The following KIF26A variants were observed in gnomAD, a reference collection of about 807,000 sequenced individuals.
KIF26A encodes kinesin-like protein KIF26A.
A neutral mutation model predicts 126.0 loss-of-function variants in KIF26A; 74 were observed. The observed-to-expected ratio is 0.59, with a 90% CI of 0.49 to 0.71. The LOEUF is 0.71. KIF26A is among the 30% of genes least tolerant of loss of function. The pLI, the probability that KIF26A is intolerant of heterozygous loss-of-function variation, is 0.00. For synonymous variants in KIF26A, 1,445 were observed against 1,232.7 expected, an observed-to-expected ratio of 1.17 and a Z score of -3.61; for missense variants, 2,984 against 2,763.3, an observed-to-expected ratio of 1.08 and a Z score of -1.79.
At position 104,149,851 on chromosome 14, in the gene KIF26A, C is replaced by T. The variant is rs58369344; in HGVS notation, c.289-2164C>T. ...GGCCTGTCTGGAGGCTCCAGAACGGCGAGCTGGGGGCCGGGCTGCCTGTCA... is the reference window on the plus strand; with the variant it reads ...GGCCTGTCTGGAGGCTCCAGAACGGTGAGCTGGGGGCCGGGCTGCCTGTCA... On this transcript the variant is annotated intron_variant, in intron 2 of 14. Coordinates refer to ENST00000423312, the MANE Select transcript of KIF26A (RefSeq NM_015656.2). 1.6e-3 allele frequency among the ~76,000 whole-genome samples: 237 copies of T among 152,244 alleles called. 4 individuals are homozygous for T. The East Asian group carries it at 0.03, about 19-fold the overall frequency.
In KIF26A at chr14:104,175,427, C is replaced by T; in HGVS notation, c.2639C>T (p.Pro880Leu). 2 of 1,593,010 alleles carry T rather than the reference C, an allele frequency of 1.3e-6. No individual in the cohort carries two copies. The highest frequency in any genetic ancestry group is 2.2e-5 in the South Asian group (2 of 89,518). Residue 880 changes from proline (P) to leucine (L), a missense_variant, in exon 12 of 15, where the codon CCA (proline) becomes CTA (leucine). By Grantham distance (98) the Pro-to-Leu change is moderately conservative. Coordinates refer to ENST00000423312, the MANE Select transcript of KIF26A (RefSeq NM_015656.2). ...SPARGGRKPS[P>L]PEAASPRKAV... ...GCCCGAGGGGGCCGGAAGCCCTCGC[C>T]ACCAGAGGCTGCATCCCCCAGGAAG... is the stretch of plus-strand genomic sequence containing the variant.
At chr14:104,141,006 G>C (rs1413795373) in intron 2 of KIF26A, among the ~76,000 whole-genome samples, 1 of 152,204 alleles carries the variant, frequency 6.6e-6, no homozygotes, top group East Asian at 1.9e-4. Flanking sequence ...ATCCTCCACT[G>C]TCTCTCCACA....
intron 4 of KIF26A, 120 bp from the exon 5 acceptor site, chr14:104,166,739 G>A: frequency 2.0e-6 from 2 of 994,120 alleles, no homozygotes; most frequent in South Asian, 1.7e-5. Context: ...TTTTGGACTG[G>A]GTTTCCTGGG....
At chr14:104,150,045 C>T (rs1325736539) in intron 2 of KIF26A, among the ~76,000 whole-genome samples, 1 of 152,152 alleles carries the variant, frequency 6.6e-6, no homozygotes, top group Admixed American at 6.5e-5. Context: ...ACATGTAGAC[C>T]TGTGTGCCCA....
chr14:104,146,436 C>T (rs953762332), intron 2 of KIF26A, among the ~76,000 whole-genome samples: 7 of 152,012 alleles, frequency 4.6e-5, no homozygotes, highest in Admixed American at 3.3e-4. Flanking sequence ...GTCCTGAGGG[C>T]GGAGGCCAGG....
chr14:104,165,812 T>A (rs1373232770), intron 4 of KIF26A, among the ~76,000 whole-genome samples: 1 of 152,044 alleles, frequency 6.6e-6, no homozygotes, highest in Non-Finnish European at 1.5e-5. Flanking sequence ...TGTGTGTCTG[T>A]GTGTTTCTGT....
At position 104,151,729 on chromosome 14, in the gene KIF26A, G is replaced by A. The variant is rs1426966381; in HGVS notation, c.289-286G>A. 2.0e-5 allele frequency among the ~76,000 whole-genome samples: 3 copies of A among 152,232 alleles called. No individual in the cohort carries two copies. Among genetic ancestry groups the A allele is most frequent in the Non-Finnish European group, 2.9e-5 (2 of 68,034 alleles). On this transcript the variant is annotated intron_variant, in intron 2 of 14. Coordinates refer to ENST00000423312, the MANE Select transcript of KIF26A (RefSeq NM_015656.2). This position sits in a 1 kb window ranked among gnomAD's most constrained non-coding sequence, Gnocchi z 4.9. ...TTAGCTGACAGTGGTCCGGTTGTCC[G>A]GGAGCCGCAAACCTGCCTTGTTAGC...
chr14:104,179,557 C>T (rs2038077547), intron 14 of KIF26A, 52 bp from the exon 15 acceptor site: 2 of 1,459,738 alleles, frequency 1.4e-6, no homozygotes, highest in Non-Finnish European at 1.8e-6. Flanking sequence ...AGGTGGCTGC[C>T]CCCAGCCTCG....
chr14:104,145,370 C>T (rs1297460906), intron 2 of KIF26A, among the ~76,000 whole-genome samples: 1 of 152,188 alleles, frequency 6.6e-6, no homozygotes, highest in Non-Finnish European at 1.5e-5. Context: ...TCCGTGGAGA[C>T]TCCCCAGCCC....
At chr14:104,173,979 C>A in intron 10 of KIF26A, 111 bp downstream of exon 10, 1 of 1,426,980 alleles carries the variant, frequency 7.0e-7, no homozygotes. Flanking sequence ...CAGGGCTTTG[C>A]TCCTCCACCA....
chr14:104,166,530 G>C (rs931022910), intron 4 of KIF26A, among the ~76,000 whole-genome samples: 1 of 152,142 alleles, frequency 6.6e-6, no homozygotes, highest in Non-Finnish European at 1.5e-5. Flanking sequence ...GCGGCTGCAG[G>C]TGGGGGATGA....
Position 104,173,842 on chromosome 14 carries a change from C to A in KIF26A, c.2004C>A (p.Val668=). The change falls in exon 10 of 15, where the codon GTC becomes GTA. Residue 668 remains valine (V), a synonymous_variant. Transcript: ENST00000423312. ...TGGGCAGCGTCATCTTGGCCCTGGTCAACGGAGCCAAGCATGTGCCGTATC... is the reference window on the plus strand; with the variant it reads ...TGGGCAGCGTCATCTTGGCCCTGGTAAACGGAGCCAAGCATGTGCCGTATC... The part of the protein sequence containing the change: ...SALGSVILAL[V]NGAKHVPYRD... 1 of 1,597,448 alleles carries A rather than the reference C, an allele frequency of 6.3e-7. No individual in the cohort carries two copies. The highest frequency in any genetic ancestry group is 8.5e-7 in the Non-Finnish European group (1 of 1,177,338).
rs1026285585 is a variant in KIF26A, at chr14:104,167,072, G to A, written c.1113+24G>A. On this transcript the variant is annotated intron_variant, in intron 5 of 14. Coordinates refer to ENST00000423312, the MANE Select transcript of KIF26A (RefSeq NM_015656.2). ...AGGTAGACGCAGCCCCGAGTTCGGG[G>A]CCCTGGGTGGGGAGGCCAGAGGCGT... 4.0e-6 allele frequency: 6 copies of A among 1,497,486 alleles called. No individual in the cohort carries two copies. The East Asian group carries it at 9.8e-5, about 25-fold the overall frequency. 92.8% of individuals were successfully genotyped at this position (1,497,486 alleles called of 1,614,324 possible).
In KIF26A at chr14:104,139,273, C is replaced by G. The variant is rs746731733; in HGVS notation, c.273C>G (p.Pro91=). The change falls in exon 2 of 15, where the codon CCC becomes CCG. Residue 91 remains proline, a synonymous_variant. Coordinates refer to ENST00000423312, the MANE Select transcript of KIF26A (RefSeq NM_015656.2). The part of the protein sequence containing the change: ...KRQAWKLVSG[P]GTTLRDPCLS... ...AGGCGTGGAAGCTGGTCAGCGGGCC[C>G]GGGACCACCCTCCGGGTAAGTGACA... is the stretch of plus-strand genomic sequence containing the variant. 15 of 1,519,440 alleles carry G rather than the reference C, an allele frequency of 9.9e-6. No homozygotes were observed. The highest frequency in any genetic ancestry group is 1.2e-5 in the Non-Finnish European group (14 of 1,134,496). The allele number at this position is 1,519,440 out of a possible 1,614,324, so 94.1% of individuals were successfully genotyped here. A position where few individuals can be genotyped will look rare whatever the true frequency, so the allele number is the denominator to read the frequency against.
chr14:104,167,768 T>C (rs2037920800), intron 5 of KIF26A, among the ~76,000 whole-genome samples: 1 of 152,152 alleles, frequency 6.6e-6, no homozygotes, highest in Non-Finnish European at 1.5e-5. Context: ...CACACAGCTC[T>C]GTGTGTGCCC....
chr14:104,178,113 C>T (rs534628598), intron 12 of KIF26A, among the ~76,000 whole-genome samples: 3 of 152,368 alleles, frequency 2.0e-5, no homozygotes, highest in East Asian at 3.9e-4. Context: ...ACCCCCTGTA[C>T]TTGCCCTTCT....
Position 104,175,062 on chromosome 14 carries a change from C to A in KIF26A, c.2274C>A (p.His758Gln). ...GGCCCCCGCACCTGCGGCCCTTCCACCCACGCACTGTGGCCCTGGACCCCG... is the reference window on the plus strand; with the variant it reads ...GGCCCCCGCACCTGCGGCCCTTCCAACCACGCACTGTGGCCCTGGACCCCG... ...ARRPPHLRPF[H>Q]PRTVALDPDR... Residue 758 changes from histidine (H) to glutamine (Q), a missense_variant, in exon 12 of 15, where the codon CAC becomes CAA. Coordinates refer to ENST00000423312, the MANE Select transcript of KIF26A (RefSeq NM_015656.2). 6.3e-7 allele frequency: 1 copy of A among 1,586,176 alleles called. No homozygotes were observed.
Position 104,179,549 on chromosome 14 carries a change from G to A in KIF26A, c.5468-60G>A, listed in dbSNP as rs1327653280. On this transcript the variant is annotated intron_variant, in intron 14 of 14. Transcript: ENST00000423312. ...TTTCCTGGGGCCTCTGGGGGGCCAGGTGGCTGCCCCCAGCCTCGGGCCTGA... is the reference window on the plus strand; with the variant it reads ...TTTCCTGGGGCCTCTGGGGGGCCAGATGGCTGCCCCCAGCCTCGGGCCTGA... The A allele has an allele frequency of 2.1e-6, 3 of 1,450,170 alleles. No individual in the cohort carries two copies. In the South Asian group the frequency reaches 4.3e-5, roughly 21 times the overall value. The allele number at this position is 1,450,170 out of a possible 1,614,324, so 89.8% of individuals were successfully genotyped here. A position where few individuals can be genotyped will look rare whatever the true frequency, so the allele number is the denominator to read the frequency against.
intron 13 of KIF26A, 76 bp from the exon 14 acceptor site, chr14:104,179,160 G>A (rs1174954909): frequency 7.2e-5 from 99 of 1,372,002 alleles, no homozygotes; most frequent in Non-Finnish European, 9.1e-5. Context: ...AGGGAGGCGG[G>A]GGCCACATCA....
Sources: gnomAD v4.1 joint callset for allele counts (sites outside exome capture counted in the v4.1 genomes callset) on GRCh38, gnomAD v4.1.1 for gene constraint, Gnocchi (gnomAD v3.1) non-coding constraint, MANE v1.5 for transcripts, NCBI Gene and HGNC (gene_info 2026-07-23, HGNC 2026-07-21) for gene names.